CBLB: variants seen among roughly 807,000 people sequenced by gnomAD.
CBLB encodes E3 ubiquitin-protein ligase CBL-B.
CBLB carries 31 observed loss-of-function variants against 104.9 expected under a neutral mutation model. The observed-to-expected ratio is 0.30, with a 90% CI of 0.22 to 0.40. CBLB has a LOEUF of 0.40. Among genes scored for constraint, CBLB ranks in the 10% least tolerant of loss-of-function variants. CBLB has a pLI of 1.00. For synonymous variants in CBLB, 440 were observed against 422.6 expected (o/e 1.04, Z -0.51); for missense variants, 1,062 against 1,214.6 (o/e 0.87, Z 1.87).
At chr3:105,761,982 C>T (rs1319145698) in intron 4 of CBLB, 1 of 152,236 alleles carries the variant, frequency 6.6e-6, no homozygotes, top group African/African-American at 2.4e-5. Flanking sequence ...AAAGGTGACT[C>T]TTGCTATGTT....
chr3:105,847,859 T>C (rs1261085738), intron 3 of CBLB, among the ~76,000 whole-genome samples: 2 of 152,138 alleles, frequency 1.3e-5, no homozygotes, highest in Admixed American at 6.6e-5. Flanking sequence ...ATCATAGAAA[T>C]GCCTCCTATC....
chr3:105,677,477 A>G (rs912191184), intron 17 of CBLB, among the ~76,000 whole-genome samples: 1 of 152,028 alleles, frequency 6.6e-6, no homozygotes. Flanking sequence ...TACGTAGCTA[A>G]AGGACAAACT....
chr3:105,697,152 G>C (rs575190215), intron 12 of CBLB, among the ~76,000 whole-genome samples: 2 of 151,924 alleles, frequency 1.3e-5, no homozygotes, highest in African/African-American at 4.8e-5. Context: ...AGAGTGTCTT[G>C]AACATCCTAG....
chr3:105,819,260 G>A (rs550244005), intron 3 of CBLB, among the ~76,000 whole-genome samples: 14 of 152,284 alleles, frequency 9.2e-5, no homozygotes, highest in African/African-American at 3.4e-4. Context: ...GCCAAGGGGG[G>A]TGGATCCCCT....
At chr3:105,839,050 T>A (rs1039774528) in intron 3 of CBLB, among the ~76,000 whole-genome samples, 3 of 152,198 alleles carry the variant, frequency 2.0e-5, no homozygotes, top group African/African-American at 7.2e-5. Flanking sequence ...CTTGATAAGA[T>A]TATACATAAA....
At chr3:105,689,680 A>G (rs2067432435) in intron 13 of CBLB, among the ~76,000 whole-genome samples, 1 of 151,532 alleles carries the variant, frequency 6.6e-6, no homozygotes, top group Admixed American at 6.6e-5. Flanking sequence ...TAATTTTGAA[A>G]AATCAAATTA....
At chr3:105,699,951 A>G (rs546981316) in intron 12 of CBLB, among the ~76,000 whole-genome samples, 1 of 152,288 alleles carries the variant, frequency 6.6e-6, no homozygotes, top group South Asian at 2.1e-4. Flanking sequence ...ATGAGATTAG[A>G]ACTTAGGAAA....
Position 105,868,736 on chromosome 3 carries a change from C to G in CBLB, c.-15G>C. On this transcript the variant is annotated splice_region_variant and 5_prime_UTR_variant, in exon 1 of 19. Coordinates refer to ENST00000394030, the MANE Select transcript of CBLB (RefSeq NM_170662.5). ...CCCCGGCGACCCCTTCCCTTCTTGC[C>G]TTTCGGCGCCGTAGCTGTCCAGAGA... 1.0e-6 allele frequency: 1 copy of G among 990,886 alleles called. No individual in the cohort carries two copies. Among genetic ancestry groups the G allele is most frequent in the Non-Finnish European group, 1.2e-6 (1 of 833,060 alleles). The allele number at this position is 990,886 out of a possible 1,614,324, so 61.4% of individuals were successfully genotyped here.
chr3:105,670,451 AAAAT>A, intron 17 of CBLB, 99 bp from the exon 18 acceptor site: 1 of 966,112 alleles, frequency 1.0e-6, no homozygotes, highest in Non-Finnish European at 1.6e-6. Flanking sequence ...ATGGCTTTCA[AAAAT>A]AAATTAGAAA....
intron 7 of CBLB, among the ~76,000 whole-genome samples, chr3:105,737,976 T>C (rs1356016732): frequency 6.6e-6 from 1 of 152,192 alleles, no homozygotes; most frequent in Non-Finnish European, 1.5e-5. Flanking sequence ...AATGCATTCT[T>C]GCTGTGTTAA....
chr3:105,815,901 T>C (rs1052510204), intron 3 of CBLB, among the ~76,000 whole-genome samples: 1 of 152,128 alleles, frequency 6.6e-6, no homozygotes, highest in African/African-American at 2.4e-5. Flanking sequence ...TGCAGGGACA[T>C]GGGTGAAGCT....
chr3:105,753,368 G>GTT (rs1553766899), intron 4 of CBLB, among the ~76,000 whole-genome samples: 6 of 123,706 alleles, frequency 4.9e-5, no homozygotes, highest in African/African-American at 1.4e-4. Flanking sequence ...AAATGCTGCT[G>GTT]TTTTTTTTAA....
Position 105,718,806 on chromosome 3 carries a change from C to T in CBLB, c.1407+1241G>A, listed in dbSNP as rs76028153. 6.5e-3 allele frequency among the ~76,000 whole-genome samples: 989 copies of T among 152,252 alleles called. 31 individuals are homozygous for T. The highest frequency in any genetic ancestry group is 0.05 in the East Asian group (261 of 5,182). On this transcript the variant is annotated intron_variant, in intron 10 of 18. Transcript: ENST00000394030. ...CCATATATGAAGACCTTTCACACCACTCAATCCCATTTCTCTGATTTTGAG... is the reference window on the plus strand; with the variant it reads ...CCATATATGAAGACCTTTCACACCATTCAATCCCATTTCTCTGATTTTGAG...
chr3:105,704,555 G>A (rs186722739), intron 10 of CBLB, among the ~76,000 whole-genome samples: 4 of 151,894 alleles, frequency 2.6e-5, no homozygotes, highest in Admixed American at 1.3e-4. Flanking sequence ...TTTTTTGCTC[G>A]AGCTTTGTAC....
In CBLB at chr3:105,773,228, C is replaced by A. The variant is rs149939840; in HGVS notation, c.566+3168G>T. 1.4e-4 allele frequency among the ~76,000 whole-genome samples: 21 copies of A among 152,286 alleles called. No individual in the cohort carries two copies. In the East Asian group the frequency reaches 3.9e-3, roughly 28 times the overall value. ...GCCATAAGAAGGAATGAAATAATGT[C>A]TTTTGCAGCAACTTGGATGGAGCTA... On this transcript the variant is annotated intron_variant, in intron 4 of 18. Coordinates refer to ENST00000394030, the MANE Select transcript of CBLB (RefSeq NM_170662.5).
chr3:105,697,803 T>G (rs910022383), intron 12 of CBLB, among the ~76,000 whole-genome samples: 2 of 152,094 alleles, frequency 1.3e-5, no homozygotes, highest in Admixed American at 6.6e-5. Flanking sequence ...TTTTATCATA[T>G]AAGAAACAGC....
At chr3:105,660,827 T>G (rs540106556) in intron 18 of CBLB, among the ~76,000 whole-genome samples, 1 of 147,774 alleles carries the variant, frequency 6.8e-6, no homozygotes, top group African/African-American at 2.5e-5. Context: ...AATCAAAAGA[T>G]GTATGATATT....
intron 9 of CBLB, among the ~76,000 whole-genome samples, chr3:105,721,951 T>C (rs2072900990): frequency 6.6e-6 from 1 of 152,130 alleles, no homozygotes; most frequent in East Asian, 1.9e-4. Context: ...CAGATTTACA[T>C]AAGACAATTT....
At chr3:105,799,318 C>T (rs959727445) in intron 3 of CBLB, among the ~76,000 whole-genome samples, 3 of 151,840 alleles carry the variant, frequency 2.0e-5, no homozygotes, top group Admixed American at 6.6e-5. Context: ...TTTGGGTAGA[C>T]GTTATGTAAG....
Sources: gnomAD v4.1 joint callset for allele counts (sites outside exome capture counted in the v4.1 genomes callset) on GRCh38, gnomAD v4.1.1 for gene constraint, MANE v1.5 for transcripts, NCBI Gene and HGNC (gene_info 2026-07-23, HGNC 2026-07-21) for gene names.